KCNN2: variants seen among roughly 807,000 people sequenced by gnomAD.
KCNN2 encodes the protein small conductance calcium-activated potassium channel protein 2.
Under a neutral mutation model 55.5 loss-of-function variants are expected in KCNN2, and 24 were observed. That is an observed-to-expected ratio of 0.43 (90% CI 0.31 to 0.61). KCNN2 has a LOEUF of 0.61. Among genes scored for constraint, KCNN2 ranks in the 20% least tolerant of loss-of-function variants. The pLI is 0.08. For synonymous variants in KCNN2, 431 were observed against 336.1 expected (o/e 1.28, Z -3.09); for missense variants, 754 against 853.6 (o/e 0.88, Z 1.45).
chr5:114,103,339 G>GT (rs1751411225), intron 1 of KCNN2, among the ~76,000 whole-genome samples: 1 of 152,070 alleles, frequency 6.6e-6, no homozygotes, highest in African/African-American at 2.4e-5. Context: ...AGATGATGGG[G>GT]TTTTCTAAAT....
intron 1 of KCNN2, among the ~76,000 whole-genome samples, chr5:114,145,620 T>A (rs1346323631): frequency 6.6e-6 from 1 of 152,116 alleles, no homozygotes; most frequent in Non-Finnish European, 1.5e-5. Context: ...TGAAAGGGGT[T>A]CCGTCTTCTG....
At chr5:114,079,378 G>A (rs758194110) in intron 1 of KCNN2, among the ~76,000 whole-genome samples, 1 of 152,114 alleles carries the variant, frequency 6.6e-6, no homozygotes, top group Non-Finnish European at 1.5e-5. Flanking sequence ...TATTCTACTA[G>A]TGAGATATAA....
At chr5:114,224,725 T>A (rs1272914694) in intron 2 of KCNN2, among the ~76,000 whole-genome samples, 1 of 152,174 alleles carries the variant, frequency 6.6e-6, no homozygotes, top group African/African-American at 2.4e-5. Flanking sequence ...TGAGAACCAG[T>A]CAGCCTCCCC....
At chr5:114,123,804 A>C (rs1274564163) in intron 1 of KCNN2, among the ~76,000 whole-genome samples, 1 of 152,104 alleles carries the variant, frequency 6.6e-6, no homozygotes, top group Non-Finnish European at 1.5e-5. Flanking sequence ...GTATGCTCCT[A>C]CTTCCTTTTT....
At chr5:114,227,163 C>T (rs1423252346) in intron 2 of KCNN2, among the ~76,000 whole-genome samples, 2 of 152,112 alleles carry the variant, frequency 1.3e-5, no homozygotes. Flanking sequence ...AAAATGTACA[C>T]TCTTTTAGGC....
At chr5:114,119,534 T>C (rs1751784735) in intron 1 of KCNN2, among the ~76,000 whole-genome samples, 2 of 152,298 alleles carry the variant, frequency 1.3e-5, no homozygotes, top group African/African-American at 4.8e-5. Context: ...CTAATAGAGG[T>C]GGGCTGCTCA....
chr5:114,363,907 C>T lies in KCNN2; in HGVS notation c.1124C>T (p.Ala375Val). Residue 375 changes from alanine (A) to valine (V), a missense_variant and splice_region_variant, in exon 2 of 8, where the codon GCG becomes GTG. Coordinates refer to ENST00000673685, the MANE Select transcript of KCNN2 (RefSeq NM_021614.4). ...TELSWGAYDK[A>V]SLYSLALKCL... is the part of the protein sequence containing the mutation. ...TGCTTCTGTCTGACTGTGTTGCAGG[C>T]GTCGCTGTATTCCTTAGCTCTGAAA... The T allele has an allele frequency of 6.2e-7, 1 of 1,611,952 alleles. No individual in the cohort carries two copies. The highest frequency in any genetic ancestry group is 1.1e-5 in the South Asian group (1 of 91,006).
chr5:114,101,419 T>TC (rs1751370691), intron 1 of KCNN2, among the ~76,000 whole-genome samples: 2 of 151,084 alleles, frequency 1.3e-5, no homozygotes, highest in African/African-American at 4.9e-5. Context: ...GTTTTCTTTT[T>TC]TTTTTTTTTC....
intron 2 of KCNN2, among the ~76,000 whole-genome samples, chr5:114,279,911 C>A (rs1755585865): frequency 6.6e-6 from 1 of 152,194 alleles, no homozygotes; most frequent in South Asian, 2.1e-4. Context: ...TTTACAGTCC[C>A]ACCAACAGTG....
At chr5:114,280,349 G>C (rs953994542) in intron 2 of KCNN2, among the ~76,000 whole-genome samples, 1 of 152,112 alleles carries the variant, frequency 6.6e-6, no homozygotes, top group Non-Finnish European at 1.5e-5. Flanking sequence ...CATTGCATTT[G>C]GTGTTTTAGT....
chr5:114,058,231 A>G (rs1016150526), intron 1 of KCNN2, among the ~76,000 whole-genome samples: 2 of 151,926 alleles, frequency 1.3e-5, no homozygotes, highest in African/African-American at 2.4e-5. Context: ...TAAAAACCCA[A>G]CTAGGTAGGG....
At chr5:114,312,426 C>CAT (rs1756416393) in intron 2 of KCNN2, among the ~76,000 whole-genome samples, 10 of 27,478 alleles carry the variant, frequency 3.6e-4, no homozygotes, top group Admixed American at 8.1e-4. Flanking sequence ...CACACACACA[C>CAT]ACACACACAT....
chr5:114,442,582 A>G (rs1411674739), intron 3 of KCNN2, among the ~76,000 whole-genome samples: 1 of 152,084 alleles, frequency 6.6e-6, no homozygotes, highest in African/African-American at 2.4e-5. Context: ...CTCATGCAAT[A>G]CATCTCTATG....
intron 3 of KCNN2, among the ~76,000 whole-genome samples, chr5:114,412,683 A>G (rs1759173439): frequency 6.6e-6 from 1 of 152,174 alleles, no homozygotes; most frequent in African/African-American, 2.4e-5. Flanking sequence ...TTGTATTTTC[A>G]GGAGAGTCAC....
At chr5:114,466,406 A>G (rs1761454124) in intron 4 of KCNN2, among the ~76,000 whole-genome samples, 1 of 152,008 alleles carries the variant, frequency 6.6e-6, no homozygotes, top group Non-Finnish European at 1.5e-5. Flanking sequence ...TAGTTTCTCA[A>G]TGTCTCCAAT....
At chr5:114,312,430 C>CAT (rs1756418866) in intron 2 of KCNN2, among the ~76,000 whole-genome samples, 2 of 21,772 alleles carry the variant, frequency 9.2e-5, no homozygotes, top group African/African-American at 2.9e-4. Context: ...CACACACACA[C>CAT]ACACATATAT....
chr5:114,327,656 AT>A (rs1394162677), intron 2 of KCNN2, among the ~76,000 whole-genome samples: 1 of 152,206 alleles, frequency 6.6e-6, no homozygotes, highest in Non-Finnish European at 1.5e-5. Flanking sequence ...ATTTTCTGAT[AT>A]TGGCAGTGAG....
chr5:114,195,823 GT>G (rs1196644373), intron 1 of KCNN2, among the ~76,000 whole-genome samples: 1 of 151,924 alleles, frequency 6.6e-6, no homozygotes, highest in Non-Finnish European at 1.5e-5. Flanking sequence ...TTAGCCGTAG[GT>G]TTTTTGTAGA....
intron 2 of KCNN2, among the ~76,000 whole-genome samples, chr5:114,384,755 G>A (rs1311163184): frequency 1.3e-5 from 2 of 152,154 alleles, no homozygotes; most frequent in East Asian, 3.9e-4. Context: ...TACACAGTCT[G>A]AGAGTGATTC....
Sources: allele counts gnomAD v4.1 joint callset (sites outside exome capture counted in the v4.1 genomes callset), GRCh38; gene constraint gnomAD v4.1.1; transcripts MANE v1.5; gene names NCBI Gene and HGNC (gene_info 2026-07-23, HGNC 2026-07-21).